TMPRSS12: variants seen among roughly 807,000 people sequenced by gnomAD.
TMPRSS12 encodes the protein transmembrane serine protease 12.
Under a neutral mutation model 26.0 loss-of-function variants are expected in TMPRSS12, and 25 were observed. That is an observed-to-expected ratio of 0.96 (90% CI 0.70 to 1.34). TMPRSS12 has a LOEUF of 1.34. Among genes scored for constraint, TMPRSS12 ranks in the 40% most tolerant of loss-of-function variants. TMPRSS12 has a pLI of 0.00. For missense variants in TMPRSS12, 441 were observed against 440.1 expected (o/e 1.00, Z -0.02); for synonymous variants, 150 against 161.7 (o/e 0.93, Z 0.55).
At chr12:50,853,582 A>C (rs7973616) in intron 2 of TMPRSS12, among the ~76,000 whole-genome samples, 1,708 of 11,964 alleles carry the variant, frequency 0.14, 27 homozygotes, top group African/African-American at 0.28. Flanking sequence ...CTAGACTAAC[A>C]AAAAAAAAAA....
intron 3 of TMPRSS12, among the ~76,000 whole-genome samples, chr12:50,883,941 G>A (rs1317606935): frequency 1.3e-5 from 2 of 152,176 alleles, no homozygotes; most frequent in African/African-American, 2.4e-5. Context: ...GTTTGAGGCT[G>A]CAGTGAGCTA....
intron 2 of TMPRSS12, among the ~76,000 whole-genome samples, chr12:50,849,973 C>T (rs1262946587): frequency 1.3e-5 from 2 of 150,996 alleles, no homozygotes; most frequent in Non-Finnish European, 2.9e-5. Flanking sequence ...TTTCTTTTTC[C>T]AGAGTGCCAT....
Position 50,872,559 on chromosome 12 carries a change from T to A in TMPRSS12, c.653-12687T>A, listed in dbSNP as rs370675752. Among the ~76,000 whole-genome samples the A allele has an allele frequency of 4.1e-3, 463 of 112,916 alleles. 31 individuals carry two copies. The highest frequency in any genetic ancestry group is 9.9e-3 in the African/African-American group (280 of 28,280). 74.1% of individuals were successfully genotyped at this position (112,916 alleles called of 152,430 possible). On this transcript the variant is annotated intron_variant, in intron 3 of 4. Transcript: ENST00000398458. ...AAAAAAAAAGGAACTGTGAAAAAAATATATATATATGCCATATATATGTAC... is the reference window on the plus strand; with the variant it reads ...AAAAAAAAAGGAACTGTGAAAAAAAAATATATATATGCCATATATATGTAC...
intron 2 of TMPRSS12, among the ~76,000 whole-genome samples, chr12:50,849,829 A>C (rs1937808402): frequency 6.6e-6 from 1 of 152,196 alleles, no homozygotes; most frequent in African/African-American, 2.4e-5. Context: ...AAACGCATAC[A>C]GTCATGTGAT....
In TMPRSS12 at chr12:50,843,069, G is replaced by A. The variant is rs545198605; in HGVS notation, c.105G>A (p.Pro35=). ...GAAGGCACAGGCTCGGCCCCTCGCC[G>A]GAACCGGCGGCTAGTTCCCAGCAGG... ...PSGRHRLGPS[P]EPAASSQQAE... Residue 35 remains proline, a synonymous_variant, in exon 1 of 5, where the codon CCG becomes CCA. Coordinates refer to ENST00000398458, the MANE Select transcript of TMPRSS12 (RefSeq NM_182559.3). The A allele has an allele frequency of 2.0e-5, 31 of 1,589,550 alleles. No homozygotes were observed. In the South Asian group the frequency reaches 3.0e-4, roughly 15 times the overall value.
At chr12:50,859,178 A>G (rs1451875865) in intron 3 of TMPRSS12, 125 bp downstream of exon 3, 3 of 803,656 alleles carry the variant, frequency 3.7e-6, no homozygotes, top group Non-Finnish European at 3.7e-6. Context: ...CACACACACG[A>G]TGGTGGTCTA....
intron 3 of TMPRSS12, among the ~76,000 whole-genome samples, chr12:50,865,552 AG>A (rs773855094): frequency 4.0e-4 from 61 of 152,196 alleles, no homozygotes; most frequent in Non-Finnish European, 6.5e-4. Context: ...AAGAGGATAG[AG>A]GAGAGGCAAT....
intron 2 of TMPRSS12, among the ~76,000 whole-genome samples, chr12:50,854,933 C>A (rs930589199): frequency 6.6e-6 from 1 of 152,052 alleles, no homozygotes; most frequent in East Asian, 1.9e-4. Flanking sequence ...AAATTACCGA[C>A]AACATTTTAC....
chr12:50,885,813 GC>G, intron 4 of TMPRSS12: 1 of 310,874 alleles, frequency 3.2e-6, no homozygotes, highest in African/African-American at 2.2e-5. Flanking sequence ...ACATCACTAT[GC>G]CCGGCCATTC....
chr12:50,870,129 T>A (rs1156392090), intron 3 of TMPRSS12, among the ~76,000 whole-genome samples: 1 of 150,264 alleles, frequency 6.7e-6, no homozygotes, highest in African/African-American at 2.5e-5. Context: ...GGGAGGCAGA[T>A]GTTGCAGTGA....
chr12:50,887,247 G>A lies in TMPRSS12; in HGVS notation c.796-15G>A. 6.2e-7 allele frequency: 1 copy of A among 1,609,610 alleles called. No individual in the cohort carries two copies. The highest frequency in any genetic ancestry group is 8.5e-7 in the Non-Finnish European group (1 of 1,177,900). The stretch of plus-strand genomic sequence containing the variant: ...ACTAGAAGTAACAAACACTATTTTG[G>A]GACTTTTTTGACAGGGTGACAGTGG... On this transcript the variant is annotated splice_polypyrimidine_tract_variant and intron_variant, in intron 4 of 4. Transcript: ENST00000398458.
At chr12:50,852,793 T>TA (rs1937838546) in intron 2 of TMPRSS12, among the ~76,000 whole-genome samples, 1 of 152,172 alleles carries the variant, frequency 6.6e-6, no homozygotes, top group African/African-American at 2.4e-5. Context: ...CAAGAAGACT[T>TA]ACCTATCCTA....
intron 2 of TMPRSS12, among the ~76,000 whole-genome samples, chr12:50,857,234 T>A (rs1937886862): frequency 6.6e-6 from 1 of 152,232 alleles, no homozygotes; most frequent in Non-Finnish European, 1.5e-5. Flanking sequence ...GCTCCTGTAT[T>A]CCACTTTGTA....
intron 3 of TMPRSS12, among the ~76,000 whole-genome samples, chr12:50,882,658 C>A (rs1237470551): frequency 2.6e-5 from 4 of 152,214 alleles, no homozygotes; most frequent in Non-Finnish European, 5.9e-5. Context: ...TTGTAAATAA[C>A]CCAAACTGAA....
At chr12:50,876,803 C>CA (rs35311314) in intron 3 of TMPRSS12, among the ~76,000 whole-genome samples, 1,533 of 75,258 alleles carry the variant, frequency 0.02, 111 homozygotes, top group African/African-American at 0.066. Flanking sequence ...GACTCTGTCT[C>CA]AAAAAAAAAA....
At chr12:50,857,605 G>A (rs1255554927) in intron 2 of TMPRSS12, among the ~76,000 whole-genome samples, 2 of 152,116 alleles carry the variant, frequency 1.3e-5, no homozygotes, top group East Asian at 1.9e-4. Context: ...TTAACCTCTC[G>A]TGGTTTTAAT....
intron 3 of TMPRSS12, among the ~76,000 whole-genome samples, chr12:50,867,963 T>A (rs960337452): frequency 5.3e-5 from 8 of 152,166 alleles, no homozygotes; most frequent in Non-Finnish European, 1.0e-4. Flanking sequence ...CTACAAGAAC[T>A]GCTAGAAGGA....
intron 3 of TMPRSS12, among the ~76,000 whole-genome samples, chr12:50,876,537 G>T (rs1055440559): frequency 1.1e-4 from 16 of 152,162 alleles, no homozygotes; most frequent in Non-Finnish European, 1.6e-4. Flanking sequence ...GGGTGCGGTG[G>T]CTCACGCCTG....
chr12:50,877,665 A>G (rs1938125113), intron 3 of TMPRSS12, among the ~76,000 whole-genome samples: 1 of 152,176 alleles, frequency 6.6e-6, no homozygotes, highest in African/African-American at 2.4e-5. Context: ...CAATGGTGCA[A>G]TCTCAGCTCA....
Sources: gnomAD v4.1 joint callset for allele counts (sites outside exome capture counted in the v4.1 genomes callset) on GRCh38, gnomAD v4.1.1 for gene constraint, MANE v1.5 for transcripts, NCBI Gene and HGNC (gene_info 2026-07-23, HGNC 2026-07-21) for gene names.